Variants in TRIM37 observed in about 807,000 individuals in gnomAD.
TRIM37 encodes E3 ubiquitin-protein ligase TRIM37.
Under a neutral mutation model 129.8 loss-of-function variants are expected in TRIM37, and 80 were observed. The ratio of observed to expected loss-of-function variants is 0.62; its 90% CI spans 0.51 to 0.74. The LOEUF (loss-of-function observed/expected upper bound fraction) is 0.74, where lower values mean the gene tolerates loss of function less well. TRIM37 is among the 30% of genes least tolerant of loss of function. TRIM37 has a pLI of 0.00. For synonymous variants in TRIM37, 389 were observed against 387.1 expected (o/e 1.00, Z -0.06); for missense variants, 1,054 against 1,176.5 (o/e 0.90, Z 1.52).
rs2041998536 is a variant in TRIM37 at position 59,067,352 on chromosome 17, G to GATGGTGTCAGTGA, written c.810-2960_810-2948dup. On this transcript the variant is annotated intron_variant, in intron 9 of 23. Coordinates refer to ENST00000262294, the MANE Select transcript of TRIM37 (RefSeq NM_015294.6). ...GTTATGATGACTGGATTCATCTCAT[G>GATGGTGTCAGTGA]ATGGTGTCAGTGAATCTTTGTCTTC... Among the ~76,000 whole-genome samples the GATGGTGTCAGTGA allele has an allele frequency of 2.6e-5, 4 of 152,276 alleles. No homozygotes were observed. The South Asian group carries it at 8.3e-4, about 32-fold the overall frequency.
At chr17:58,994,726 T>G (rs970639408), downstream of TRIM37, among the ~76,000 whole-genome samples, 1 of 152,106 alleles carries the variant, frequency 6.6e-6, no homozygotes, top group Non-Finnish European at 1.5e-5. Flanking sequence ...AAGGAACAGC[T>G]GTCTATATAC....
At chr17:58,970,773 C>T in the TRIM37 span, among the ~76,000 whole-genome samples, 18 of 152,114 alleles carry the variant, frequency 1.2e-4, no homozygotes, top group African/African-American at 3.9e-4. Flanking sequence ...CCTCAGAGCT[C>T]CAGTCTCTTG....
At position 59,041,987 on chromosome 17, in the gene TRIM37, TTTCTG is replaced by T. The variant is rs1406341501; in HGVS notation, c.1668-94_1668-90del. On this transcript the variant is annotated intron_variant, in intron 16 of 23. Coordinates refer to ENST00000262294, the MANE Select transcript of TRIM37 (RefSeq NM_015294.6). ...CAATAAATTTTATGATATGCAGATT[TTTCTG>T]TGAAATAAGATATTTCTAAATACAA... 4.5e-5 allele frequency: 40 copies of T among 889,814 alleles called. No homozygotes were observed. In the South Asian group the frequency reaches 5.4e-4, roughly 12 times the overall value. 55.1% of individuals were successfully genotyped at this position (889,814 alleles called of 1,614,324 possible). A position where few individuals can be genotyped will look rare whatever the true frequency, so the allele number is the denominator to read the frequency against.
Position 59,062,593 on chromosome 17 carries a change from G to T in TRIM37, c.916C>A (p.Leu306Ile). Reference sequence around the variant, plus strand: ...GGGTAAACTTTTAACCTCCAGCAAAGTCCTGAAACTTGAAGAGGTGGACTG... The same window carrying T: ...GGGTAAACTTTTAACCTCCAGCAAATTCCTGAAACTTGAAGAGGTGGACTG... ...VYSPPLQVSG[L>I]CWRLKVYPDG... The change falls in exon 11 of 24, where the codon CTT (leucine) becomes ATT (isoleucine). Residue 306 changes from leucine to isoleucine, a missense_variant. Around this residue, in one of 3 missense-constraint regions of TRIM37, gnomAD observed 752 missense variants for 870.8 expected, o/e 0.86. Coordinates refer to ENST00000262294, the MANE Select transcript of TRIM37 (RefSeq NM_015294.6). 6.2e-7 allele frequency: 1 copy of T among 1,614,010 alleles called. No homozygotes were observed. Among genetic ancestry groups the T allele is most frequent in the South Asian group, 1.1e-5 (1 of 91,084 alleles).
chr17:59,033,242 G>T (rs1829232441), intron 17 of TRIM37, among the ~76,000 whole-genome samples: 1 of 152,120 alleles, frequency 6.6e-6, no homozygotes, highest in Non-Finnish European at 1.5e-5. Context: ...AACTTAGGAG[G>T]AAAGTTCCAT....
intron 24 of TRIM37, chr17:58,984,586 A>C (rs781667445): frequency 1.3e-5 from 2 of 152,516 alleles, no homozygotes; most frequent in Non-Finnish European, 2.9e-5. Flanking sequence ...AGCAAAAGAA[A>C]TTTTTTTCAC....
At chr17:59,014,586 A>G (rs1367782705) in intron 21 of TRIM37, among the ~76,000 whole-genome samples, 1 of 152,130 alleles carries the variant, frequency 6.6e-6, no homozygotes, top group Non-Finnish European at 1.5e-5. Context: ...GAGAAGAAAG[A>G]TGAGATAAAA....
intron 21 of TRIM37, among the ~76,000 whole-genome samples, chr17:59,015,364 G>A (rs34370292): frequency 2.0e-5 from 3 of 146,416 alleles, no homozygotes; most frequent in Non-Finnish European, 4.5e-5. Flanking sequence ...CACTTAAACC[G>A]GGGAGGCAGA....
At chr17:59,062,884 A>T (rs1032961884) in intron 10 of TRIM37, among the ~76,000 whole-genome samples, 1 of 152,256 alleles carries the variant, frequency 6.6e-6, no homozygotes, top group African/African-American at 2.4e-5. Context: ...TCAGGGGAAA[A>T]AAAACCCTCA....
intron 12 of TRIM37, among the ~76,000 whole-genome samples, chr17:59,058,617 A>G (rs534088064): frequency 5.9e-5 from 9 of 152,134 alleles, no homozygotes; most frequent in Admixed American, 1.3e-4. Flanking sequence ...CAGCACTTTA[A>G]GAGACCGAGG....
At chr17:59,041,130 T>C (rs1211311780) in intron 17 of TRIM37, among the ~76,000 whole-genome samples, 1 of 152,218 alleles carries the variant, frequency 6.6e-6, no homozygotes, top group East Asian at 1.9e-4. Flanking sequence ...AGCTAACTTT[T>C]AATTACTCTA....
the TRIM37 span, among the ~76,000 whole-genome samples, chr17:58,971,390 G>A: frequency 6.6e-6 from 1 of 152,158 alleles, no homozygotes; most frequent in Admixed American, 6.6e-5. Flanking sequence ...GTAACAGAAA[G>A]TCATGCTCAT....
intron 19 of TRIM37, among the ~76,000 whole-genome samples, chr17:59,021,895 T>A (rs981136016): frequency 5.9e-5 from 9 of 151,896 alleles, no homozygotes; most frequent in Non-Finnish European, 1.5e-5. Flanking sequence ...TATATATACC[T>A]ACAATGTACC....
chr17:58,978,390 TG>T (rs761295017), downstream of TRIM37, among the ~76,000 whole-genome samples: 92 of 152,280 alleles, frequency 6.0e-4, no homozygotes, highest in African/African-American at 2.1e-3. Flanking sequence ...ACCCTGTGTG[TG>T]GTTTTGTTTT....
At chr17:58,992,689 A>AT (rs1258727683) in intron 24 of TRIM37, among the ~76,000 whole-genome samples, 1 of 151,968 alleles carries the variant, frequency 6.6e-6, no homozygotes, top group Admixed American at 6.6e-5. Flanking sequence ...AGGTGTCCAG[A>AT]TTTTTTACTG....
At chr17:59,052,685 T>C (rs1289229055) in intron 13 of TRIM37, among the ~76,000 whole-genome samples, 1 of 152,114 alleles carries the variant, frequency 6.6e-6, no homozygotes, top group Non-Finnish European at 1.5e-5. Flanking sequence ...CCGGGCACAG[T>C]GGCTCACACC....
At chr17:58,982,564 A>C (rs571424945), downstream of TRIM37, 1 of 241,472 alleles carries the variant, frequency 4.1e-6, no homozygotes, top group Admixed American at 5.1e-5. Flanking sequence ...AAATCTCTGA[A>C]TTTTAAAGAC....
chr17:59,006,302 G>A (rs559905866), intron 22 of TRIM37, among the ~76,000 whole-genome samples: 3 of 152,232 alleles, frequency 2.0e-5, no homozygotes, highest in African/African-American at 4.8e-5. Context: ...GATTGTTAAC[G>A]CAAAAGAAAT....
downstream of TRIM37, among the ~76,000 whole-genome samples, chr17:58,995,905 G>C (rs572422523): frequency 1.5e-4 from 23 of 152,150 alleles, no homozygotes; most frequent in African/African-American, 5.3e-4. Context: ...TACTTAGGAG[G>C]CTGAAGTGGG....
Sources: gnomAD v4.1 joint callset for allele counts (sites outside exome capture counted in the v4.1 genomes callset) on GRCh38, gnomAD v4.1.1 for gene constraint, gnomAD v4.1.1 regional missense constraint, MANE v1.5 for transcripts, NCBI Gene and HGNC (gene_info 2026-07-23, HGNC 2026-07-21) for gene names.